The following KCNQ5 variants were observed in gnomAD, a reference collection of about 807,000 sequenced individuals.
KCNQ5 encodes the protein potassium voltage-gated channel subfamily Q member 5.
A neutral mutation model predicts 98.2 loss-of-function variants in KCNQ5; 30 were observed. That is an observed-to-expected ratio of 0.31 (90% confidence interval 0.23 to 0.41). The LOEUF is 0.41. KCNQ5 is among the 10% of genes least tolerant of loss of function. The pLI is 1.00. For missense variants in KCNQ5, 835 were observed against 1,182.5 expected (o/e 0.71, Z 4.31); for synonymous variants, 458 against 449.4 (o/e 1.02, Z -0.24).
chr6:73,101,066 GAACT>G (rs1774753399), intron 5 of KCNQ5, among the ~76,000 whole-genome samples: 1 of 152,052 alleles, frequency 6.6e-6, no homozygotes, highest in Non-Finnish European at 1.5e-5. Flanking sequence ...AATGAAAGAA[GAACT>G]AATACCAATC....
At chr6:72,954,313 G>T (rs1429209030) in intron 1 of KCNQ5, among the ~76,000 whole-genome samples, 2 of 152,164 alleles carry the variant, frequency 1.3e-5, no homozygotes. Context: ...TGGGAGGAAG[G>T]CAGGAGGAGG....
At chr6:72,717,190 T>C (rs2154475217) in intron 1 of KCNQ5, among the ~76,000 whole-genome samples, 1 of 152,338 alleles carries the variant, frequency 6.6e-6, no homozygotes. Flanking sequence ...ACAATTTGAA[T>C]GTCTAACACC....
intron 10 of KCNQ5, among the ~76,000 whole-genome samples, chr6:73,139,538 C>T (rs191811618): frequency 2.0e-5 from 3 of 152,258 alleles, no homozygotes; most frequent in Non-Finnish European, 4.4e-5. Flanking sequence ...GTCTATATGT[C>T]ATTTCTGTTC....
At chr6:73,190,538 T>A (rs925077422) in intron 11 of KCNQ5, 35 bp from the exon 12 acceptor site, 3 of 1,146,134 alleles carry the variant, frequency 2.6e-6, no homozygotes, top group Middle Eastern at 2.5e-4. Flanking sequence ...ATTAACAGAG[T>A]TATAAAGATT....
At chr6:72,784,622 G>T (rs755744183) in intron 1 of KCNQ5, among the ~76,000 whole-genome samples, 1 of 152,140 alleles carries the variant, frequency 6.6e-6, no homozygotes, top group Non-Finnish European at 1.5e-5. Context: ...TTTTCTCAAT[G>T]TGTCATCCTC....
intron 1 of KCNQ5, among the ~76,000 whole-genome samples, chr6:72,750,518 G>A (rs1023562317): frequency 6.6e-6 from 1 of 151,970 alleles, no homozygotes; most frequent in African/African-American, 2.4e-5. Flanking sequence ...GTTATAGACT[G>A]AGCTGTAGAA....
At chr6:73,056,261 G>T (rs1772484421) in intron 3 of KCNQ5, among the ~76,000 whole-genome samples, 2 of 152,146 alleles carry the variant, frequency 1.3e-5, no homozygotes, top group Admixed American at 1.3e-4. Flanking sequence ...ACTGCCTGGG[G>T]GCTCTAGTCA....
intron 1 of KCNQ5, among the ~76,000 whole-genome samples, chr6:72,733,176 T>G (rs1582189135): frequency 6.6e-6 from 1 of 151,648 alleles, no homozygotes. Flanking sequence ...CCACGGTGAG[T>G]AGGGTAGGGT....
At chr6:72,791,698 T>C (rs1419969903) in intron 1 of KCNQ5, among the ~76,000 whole-genome samples, 5 of 152,184 alleles carry the variant, frequency 3.3e-5, no homozygotes, top group African/African-American at 1.2e-4. Flanking sequence ...CAGAAATTTA[T>C]TGTTTCACAG....
chr6:72,658,979 A>G (rs1050214235), intron 1 of KCNQ5, among the ~76,000 whole-genome samples: 7 of 152,232 alleles, frequency 4.6e-5, no homozygotes, highest in East Asian at 3.8e-4. Context: ...AAGCATATTT[A>G]GAATCCAGAC....
chr6:72,626,237 C>G (rs1057295703), intron 1 of KCNQ5, among the ~76,000 whole-genome samples: 1 of 152,124 alleles, frequency 6.6e-6, no homozygotes, highest in Admixed American at 6.6e-5. Flanking sequence ...AAGTGAAGCC[C>G]GGGCAGAAAA....
chr6:72,721,135 G>C (rs1435211385), intron 1 of KCNQ5, among the ~76,000 whole-genome samples: 1 of 152,072 alleles, frequency 6.6e-6, no homozygotes, highest in Non-Finnish European at 1.5e-5. Context: ...TAAAAACTGA[G>C]ATTATAACAT....
chr6:73,091,198 C>T (rs1774231814), intron 5 of KCNQ5, among the ~76,000 whole-genome samples: 1 of 152,144 alleles, frequency 6.6e-6, no homozygotes, highest in Admixed American at 6.5e-5. Flanking sequence ...TGGAAACCAT[C>T]ATTCTCAGCA....
intron 2 of KCNQ5, among the ~76,000 whole-genome samples, chr6:73,035,941 C>T (rs139178417): frequency 1.0e-3 from 153 of 151,122 alleles, no homozygotes; most frequent in Middle Eastern, 6.8e-3. Flanking sequence ...ATTGATACAG[C>T]TCACAAATCT....
chr6:72,704,509 G>A (rs1367698369), intron 1 of KCNQ5, among the ~76,000 whole-genome samples: 1 of 151,650 alleles, frequency 6.6e-6, no homozygotes, highest in Admixed American at 6.6e-5. Flanking sequence ...GGCTGTCTTT[G>A]CTTAGCATGA....
chr6:73,193,398 CG>C (rs1459658024), intron 13 of KCNQ5, among the ~76,000 whole-genome samples: 9 of 147,838 alleles, frequency 6.1e-5, no homozygotes, highest in Non-Finnish European at 3.0e-5. Context: ...GAGGCCGAGG[CG>C]GGCAGATCAC....
intron 1 of KCNQ5, among the ~76,000 whole-genome samples, chr6:72,648,201 T>C (rs1033712378): frequency 7.9e-5 from 12 of 152,140 alleles, no homozygotes; most frequent in Non-Finnish European, 1.5e-4. Flanking sequence ...GCCTTTGACG[T>C]TGGAAGAACA....
intron 1 of KCNQ5, among the ~76,000 whole-genome samples, chr6:72,977,354 T>A (rs898941726): frequency 6.6e-6 from 1 of 152,158 alleles, no homozygotes; most frequent in Non-Finnish European, 1.5e-5. Flanking sequence ...ATCATGTTAT[T>A]ATGTTACAGC....
chr6:72,828,703 C>G (rs999173478), intron 1 of KCNQ5, among the ~76,000 whole-genome samples: 2 of 152,026 alleles, frequency 1.3e-5, no homozygotes, highest in Non-Finnish European at 2.9e-5. Flanking sequence ...TAAAAAAAAT[C>G]TTTGTACTAC....
Sources: gnomAD v4.1 joint callset for allele counts (sites outside exome capture counted in the v4.1 genomes callset) on GRCh38, gnomAD v4.1.1 for gene constraint, MANE v1.5 for transcripts, NCBI Gene and HGNC (gene_info 2026-07-23, HGNC 2026-07-21) for gene names.